HEATR5B: variants seen among roughly 807,000 people sequenced by gnomAD.
HEATR5B encodes the protein HEAT repeat containing 5B, also known as HEAT repeat-containing protein 5B.
Under a neutral mutation model 224.1 loss-of-function variants are expected in HEATR5B, and 156 were observed. That is an observed-to-expected ratio of 0.70 (90% CI 0.61 to 0.80). HEATR5B has a LOEUF of 0.80. HEATR5B is among the 30% of genes least tolerant of loss of function. The pLI, the probability that HEATR5B is intolerant of heterozygous loss-of-function variation, is 0.00. For missense variants in HEATR5B, 2,323 were observed against 2,535.5 expected, an observed-to-expected ratio of 0.92 and a Z score of 1.80; for synonymous variants, 1,027 against 893.0, an observed-to-expected ratio of 1.15 and a Z score of -2.68.
chr2:37,057,541 T>C, intron 14 of HEATR5B, 61 bp from the exon 15 acceptor site: 1 of 1,186,940 alleles, frequency 8.4e-7, no homozygotes, highest in Non-Finnish European at 1.2e-6. Context: ...TTATAATCAT[T>C]GCCCACAAAG....
At chr2:37,057,723 A>C (rs1438544416) in intron 14 of HEATR5B, among the ~76,000 whole-genome samples, 1 of 152,162 alleles carries the variant, frequency 6.6e-6, no homozygotes, top group East Asian at 1.9e-4. Flanking sequence ...CAAATAGAGG[A>C]AAGAGAGGCG....
chr2:37,037,792 A>T (rs4670650), intron 21 of HEATR5B, 63 bp downstream of exon 21: 651,376 of 1,208,002 alleles, frequency 0.54, 177,554 homozygotes, highest in East Asian at 0.66. Context: ...TCCATAAAAA[A>T]TTTTTTAAAT....
chr2:37,057,969 G>A (rs567273053), intron 14 of HEATR5B, among the ~76,000 whole-genome samples: 1 of 152,150 alleles, frequency 6.6e-6, no homozygotes, highest in East Asian at 1.9e-4. Context: ...GATTATACTG[G>A]AAAGAAATCA....
chr2:37,076,467 A>C (rs1282903375), intron 4 of HEATR5B, among the ~76,000 whole-genome samples: 2 of 152,196 alleles, frequency 1.3e-5, no homozygotes, highest in Non-Finnish European at 2.9e-5. Context: ...ACTAGAAGGT[A>C]AGAAGGAAAG....
chr2:37,013,821 G>C lies in HEATR5B; in HGVS notation c.4284+20C>G, dbSNP rs1335342517. On this transcript the variant is annotated intron_variant, in intron 27 of 35. Coordinates refer to ENST00000233099, the MANE Select transcript of HEATR5B (RefSeq NM_019024.3). ...ATGAAGAAATGGGTCAAAAACAATA[G>C]ATTGTGGTTTAGTCGTTACCTCTGC... 1 of 1,529,372 alleles carries C rather than the reference G, an allele frequency of 6.5e-7. No individual in the cohort carries two copies. Among genetic ancestry groups the C allele is most frequent in the Admixed American group, 2.1e-5 (1 of 48,736 alleles). The allele number at this position is 1,529,372 out of a possible 1,614,324, so 94.7% of individuals were successfully genotyped here. A position where few individuals can be genotyped will look rare whatever the true frequency, so the allele number is the denominator to read the frequency against.
At chr2:36,993,251 G>A (rs1166768026) in intron 33 of HEATR5B, among the ~76,000 whole-genome samples, 1 of 152,036 alleles carries the variant, frequency 6.6e-6, no homozygotes, top group East Asian at 1.9e-4. Flanking sequence ...AAAATTATGG[G>A]CCGGGTGCAG....
Position 37,008,660 on chromosome 2 carries a change from A to G in HEATR5B, c.4473T>C (p.Tyr1491=), listed in dbSNP as rs748083063. The G allele has an allele frequency of 6.2e-7, 1 of 1,614,204 alleles. No individual in the cohort carries two copies. Residue 1491 remains tyrosine, a synonymous_variant, in exon 28 of 36, where the codon TAT becomes TAC. Coordinates refer to ENST00000233099, the MANE Select transcript of HEATR5B (RefSeq NM_019024.3). ...ATTCGGCTGGTAAAGTCAAGAGTGC[A>G]TAATCTTTTAATGCTGCTAACCACA... The part of the protein sequence containing the change: ...SRLWLAALKD[Y]ALLTLPAEFS...
chr2:36,987,827 G>A (rs1056158951), intron 35 of HEATR5B, among the ~76,000 whole-genome samples: 6 of 152,078 alleles, frequency 3.9e-5, no homozygotes, highest in Non-Finnish European at 8.8e-5. Context: ...CTAGCACTTT[G>A]AAAGGCCAAG....
chr2:37,080,530 A>G (rs2148612626), intron 2 of HEATR5B, among the ~76,000 whole-genome samples: 1 of 152,294 alleles, frequency 6.6e-6, no homozygotes, highest in South Asian at 2.1e-4. Flanking sequence ...AGGGAAGTCA[A>G]AAATGACTCT....
chr2:37,056,668 TA>T, intron 15 of HEATR5B, 53 bp from the exon 16 acceptor site: 5 of 1,438,230 alleles, frequency 3.5e-6, no homozygotes, highest in Non-Finnish European at 4.7e-6. Context: ...GAAATCTACT[TA>T]TTAAACATTG....
At chr2:37,004,373 C>T (rs1215459982) in intron 30 of HEATR5B, among the ~76,000 whole-genome samples, 1 of 150,512 alleles carries the variant, frequency 6.6e-6, no homozygotes, top group Non-Finnish European at 1.5e-5. Context: ...ATGTTTTCAA[C>T]TTCTCTCTCT....
chr2:36,992,487 A>C (rs1666397452), intron 33 of HEATR5B, among the ~76,000 whole-genome samples: 1 of 151,710 alleles, frequency 6.6e-6, no homozygotes. Context: ...AGGCTGAGGC[A>C]GGAGGATCAC....
At chr2:37,080,871 C>T (rs1381427003) in intron 2 of HEATR5B, among the ~76,000 whole-genome samples, 2 of 151,982 alleles carry the variant, frequency 1.3e-5, no homozygotes, top group African/African-American at 2.4e-5. Context: ...CTAACAGCGT[C>T]TTGGGAAGCC....
chr2:37,058,343 C>T (rs1165541056), intron 14 of HEATR5B, 108 bp downstream of exon 14: 2 of 646,846 alleles, frequency 3.1e-6, no homozygotes, highest in African/African-American at 1.8e-5. Context: ...AAAATGGTGG[C>T]CTTCCTTTGC....
Position 37,028,775 on chromosome 2 carries a change from A to G in HEATR5B, c.3507T>C (p.Ile1169=), listed in dbSNP as rs1312860626. 2 of 1,614,140 alleles carry G rather than the reference A, an allele frequency of 1.2e-6. No homozygotes were observed. The highest frequency in any genetic ancestry group is 2.2e-5 in the South Asian group (2 of 91,084). ...RETDRKLCSD[I]HDTLGHMLSS... is the part of the protein sequence containing the mutation. ...AAAGCATATGTCCCAAAGTGTCATG[A>G]ATATCAGAACATAATTTTCGATCTG... The change falls in exon 23 of 36, where the codon ATT becomes ATC. Residue 1169 remains isoleucine, a synonymous_variant. Transcript: ENST00000233099.
In HEATR5B at chr2:37,028,903, G is replaced by C. The variant is rs775723263; in HGVS notation, c.3379C>G (p.Pro1127Ala). Reference sequence around the variant, plus strand: ...ATATCAGTTCGAGAACTAACCCCAGGGGCAAAAGGACTGACATCTGAAAGG... The same window carrying C: ...ATATCAGTTCGAGAACTAACCCCAGCGGCAAAAGGACTGACATCTGAAAGG... ...SSSANVSPFA[P>A]GVSSRTDIHC... is the part of the protein sequence containing the mutation. Residue 1127 changes from proline (P) to alanine (A), a missense_variant, in exon 23 of 36, where the codon CCT becomes GCT. This residue lies in a region of HEATR5B where 339 missense variants were observed against 378.4 expected (regional missense o/e 0.90). Transcript: ENST00000233099. The C allele has an allele frequency of 6.2e-7, 1 of 1,613,732 alleles. No homozygotes were observed. Among genetic ancestry groups the C allele is most frequent in the South Asian group, 1.1e-5 (1 of 91,056 alleles).
intron 27 of HEATR5B, among the ~76,000 whole-genome samples, chr2:37,013,453 G>A (rs532043032): frequency 2.6e-5 from 4 of 152,222 alleles, no homozygotes; most frequent in Admixed American, 6.5e-5. Context: ...GGATGGCTGC[G>A]GCAGGAGGAC....
chr2:36,994,222 TAGG>T (rs762012413), intron 33 of HEATR5B, among the ~76,000 whole-genome samples: 3 of 152,190 alleles, frequency 2.0e-5, no homozygotes, highest in Non-Finnish European at 4.4e-5. Flanking sequence ...CTGGTGAATC[TAGG>T]AGAAGGGTAT....
intron 5 of HEATR5B, among the ~76,000 whole-genome samples, chr2:37,072,861 T>A (rs970582500): frequency 6.6e-6 from 1 of 152,178 alleles, no homozygotes; most frequent in Non-Finnish European, 1.5e-5. Flanking sequence ...TGAACAACTT[T>A]ATGCCAATAA....
Sources: allele counts gnomAD v4.1 joint callset (sites outside exome capture counted in the v4.1 genomes callset), GRCh38; gene constraint gnomAD v4.1.1; regional missense constraint gnomAD v4.1.1; transcripts MANE v1.5; gene names NCBI Gene and HGNC (gene_info 2026-07-23, HGNC 2026-07-21).